CLEC16A: variants seen among roughly 807,000 people sequenced by gnomAD.
The protein encoded by CLEC16A is C-type lectin domain containing 16A.
In CLEC16A, 51 loss-of-function variants were observed where a neutral mutation model predicts 109.5. That is an observed-to-expected ratio of 0.47 (90% CI 0.37 to 0.59). CLEC16A has a LOEUF of 0.59. CLEC16A is among the 20% of genes least tolerant of loss of function. The pLI is 0.00. For missense variants in CLEC16A, 1,339 were observed against 1,394.0 expected (o/e 0.96, Z 0.63); for synonymous variants, 673 against 564.2 (o/e 1.19, Z -2.73).
At chr16:10,976,387 G>A (rs1006395296) in intron 7 of CLEC16A, among the ~76,000 whole-genome samples, 2 of 150,496 alleles carry the variant, frequency 1.3e-5, no homozygotes, top group Non-Finnish European at 3.0e-5. Context: ...GGATAGAAAT[G>A]TGACATCTAT....
At position 11,042,313 on chromosome 16, in the gene CLEC16A, C is replaced by T. The variant is rs202000499; in HGVS notation, c.1720C>T (p.Leu574=). 5.6e-6 allele frequency: 9 copies of T among 1,593,730 alleles called. No individual in the cohort carries two copies. The highest frequency in any genetic ancestry group is 1.1e-5 in the South Asian group (1 of 87,172). Residue 574 remains leucine, a synonymous_variant, in exon 15 of 24, where the codon CTG becomes TTG. Coordinates refer to ENST00000409790, the MANE Select transcript of CLEC16A (RefSeq NM_015226.3). ...LSCLLLKQQV[L]MSAGCIMKDV... is the part of the protein sequence containing the mutation. Reference sequence around the variant, plus strand: ...CTGCCTGCTTCTGAAGCAGCAAGTCCTGATGAGTGCTGGCTGCATCATGAA... The same window carrying T: ...CTGCCTGCTTCTGAAGCAGCAAGTCTTGATGAGTGCTGGCTGCATCATGAA...
intron 21 of CLEC16A, 81 bp from the exon 22 acceptor site, chr16:11,125,898 A>G: frequency 2.5e-6 from 1 of 400,428 alleles, no homozygotes. Context: ...CACAGCCACT[A>G]CGATGTCCCC....
chr16:11,081,318 C>T (rs1366609779), intron 19 of CLEC16A, among the ~76,000 whole-genome samples: 2 of 152,210 alleles, frequency 1.3e-5, no homozygotes, highest in Non-Finnish European at 2.9e-5. Context: ...AGCCCCCTCT[C>T]CACTCTACTC....
At chr16:11,081,112 C>T (rs943398915) in intron 19 of CLEC16A, among the ~76,000 whole-genome samples, 2 of 152,200 alleles carry the variant, frequency 1.3e-5, no homozygotes, top group Admixed American at 1.3e-4. Context: ...GACAGCTACC[C>T]CTCAAATGCT....
intron 19 of CLEC16A, among the ~76,000 whole-genome samples, chr16:11,072,293 AT>A (rs1312926677): frequency 6.6e-6 from 1 of 150,444 alleles, no homozygotes; most frequent in Non-Finnish European, 1.5e-5. Flanking sequence ...CTATTTTTTT[AT>A]TTTTTGTGGA....
intron 1 of CLEC16A, among the ~76,000 whole-genome samples, chr16:10,953,922 A>G (rs1434492249): frequency 6.6e-6 from 1 of 151,310 alleles, no homozygotes; most frequent in African/African-American, 2.4e-5. Flanking sequence ...GCTTGCAGTG[A>G]GTGGAGATCG....
intron 7 of CLEC16A, among the ~76,000 whole-genome samples, chr16:10,974,350 T>C (rs1469903943): frequency 6.6e-6 from 1 of 152,194 alleles, no homozygotes; most frequent in Non-Finnish European, 1.5e-5. Context: ...AATAAATCTC[T>C]TTTAAAAAAC....
At chr16:11,176,628 C>G (rs1336853210) in intron 23 of CLEC16A, among the ~76,000 whole-genome samples, 2 of 152,168 alleles carry the variant, frequency 1.3e-5, no homozygotes, top group Non-Finnish European at 2.9e-5. Context: ...GTCCCAGCTA[C>G]TCAGGAGGCC....
chr16:11,043,628 G>A (rs1418396871), intron 15 of CLEC16A, among the ~76,000 whole-genome samples: 1 of 152,104 alleles, frequency 6.6e-6, no homozygotes, highest in Non-Finnish European at 1.5e-5. Flanking sequence ...ACTTTGGGAG[G>A]CCGAGGCGGG....
At chr16:11,093,091 C>T (rs1403352679) in intron 19 of CLEC16A, among the ~76,000 whole-genome samples, 1 of 152,228 alleles carries the variant, frequency 6.6e-6, no homozygotes, top group African/African-American at 2.4e-5. Context: ...CCACCACCTC[C>T]ACTTCCCTGC....
At chr16:11,057,598 TC>T (rs2048275337) in intron 18 of CLEC16A, among the ~76,000 whole-genome samples, 1 of 152,254 alleles carries the variant, frequency 6.6e-6, no homozygotes, top group Non-Finnish European at 1.5e-5. Flanking sequence ...TTGAGCTTGG[TC>T]AGCTGTCATC....
intron 22 of CLEC16A, among the ~76,000 whole-genome samples, chr16:11,148,340 G>A (rs2153075854): frequency 6.6e-6 from 1 of 152,300 alleles, no homozygotes; most frequent in South Asian, 2.1e-4. Context: ...TGTAGTTAGG[G>A]CTAGTTGTGG....
At chr16:10,985,135 G>A (rs988235183) in intron 10 of CLEC16A, among the ~76,000 whole-genome samples, 1 of 150,202 alleles carries the variant, frequency 6.7e-6, no homozygotes, top group Non-Finnish European at 1.5e-5. Context: ...CCCAGGAGGC[G>A]GAGCTTGCAG....
At chr16:11,120,095 A>G (rs6498164) in intron 19 of CLEC16A, among the ~76,000 whole-genome samples, 106,226 of 151,538 alleles carry the variant, frequency 0.7, 38,589 homozygotes, top group African/African-American at 0.89. Context: ...TCAGCCTCCC[A>G]AGTAGCTGGG....
intron 19 of CLEC16A, among the ~76,000 whole-genome samples, chr16:11,078,341 C>A (rs2049507734): frequency 6.6e-6 from 1 of 152,122 alleles, no homozygotes; most frequent in Admixed American, 6.5e-5. Context: ...CATTGCATAG[C>A]CAGTGTTGAG....
Position 11,020,308 on chromosome 16 carries a change from G to C in CLEC16A, c.1419G>C (p.Glu473Asp). Reference protein sequence around the residue: ...EEKSAAATCSESTQWSRPFLD... With the variant: ...EEKSAAATCSDSTQWSRPFLD... ...AAAGCGCCGCCGCCACCTGCTCTGA[G>C]AGCACGCAATGGAGCAGGTAGCTGC... Residue 473 changes from glutamate to aspartate, a missense_variant, in exon 12 of 24, where the codon GAG becomes GAC. Glu to Asp is a conservative substitution (Grantham distance 45). Coordinates refer to ENST00000409790, the MANE Select transcript of CLEC16A (RefSeq NM_015226.3). 3 of 1,612,012 alleles carry C rather than the reference G, an allele frequency of 1.9e-6. No individual in the cohort carries two copies. The highest frequency in any genetic ancestry group is 2.5e-6 in the Non-Finnish European group (3 of 1,179,044).
In CLEC16A at chr16:11,057,385, G is replaced by A. The variant is rs373357759; in HGVS notation, c.1996-3517G>A. ...CGGTGCCATCCCGTTGTACCTGCAC[G>A]GTGGGTGCCCCATTTCCAGAACACA... On this transcript the variant is annotated intron_variant, in intron 18 of 23. Coordinates refer to ENST00000409790, the MANE Select transcript of CLEC16A (RefSeq NM_015226.3). Among the ~76,000 whole-genome samples, 450 of 152,322 alleles carry A rather than the reference G, an allele frequency of 3.0e-3. 5 individuals are homozygous for A. The highest frequency in any genetic ancestry group is 0.01 in the African/African-American group (425 of 41,566).
intron 1 of CLEC16A, among the ~76,000 whole-genome samples, chr16:10,956,827 C>T (rs1167668822): frequency 3.3e-5 from 5 of 151,690 alleles, no homozygotes; most frequent in Non-Finnish European, 2.9e-5. Context: ...TTTAGACTCT[C>T]GCTCTGTCAC....
Position 11,036,320 on chromosome 16 carries a change from C to G in CLEC16A, c.1538-3434C>G, listed in dbSNP as rs574747687. 2.0e-5 allele frequency among the ~76,000 whole-genome samples: 3 copies of G among 152,134 alleles called. No individual in the cohort carries two copies. In the East Asian group the frequency reaches 5.8e-4, roughly 30 times the overall value. On this transcript the variant is annotated intron_variant, in intron 13 of 23. Coordinates refer to ENST00000409790, the MANE Select transcript of CLEC16A (RefSeq NM_015226.3). ...CTCCCCGGCTCTCTCCCACCCAGACCTCTCTGGGTCTGCTCCACTCCCTGC... is the reference window on the plus strand; with the variant it reads ...CTCCCCGGCTCTCTCCCACCCAGACGTCTCTGGGTCTGCTCCACTCCCTGC...
Sources: allele counts gnomAD v4.1 joint callset (sites outside exome capture counted in the v4.1 genomes callset), GRCh38; gene constraint gnomAD v4.1.1; transcripts MANE v1.5; gene names NCBI Gene and HGNC (gene_info 2026-07-23, HGNC 2026-07-21).